The following FGF1 variants were observed in gnomAD, a reference collection of about 807,000 sequenced individuals.
FGF1 encodes the protein fibroblast growth factor 1.
FGF1 carries 9 observed loss-of-function variants against 13.4 expected under a neutral mutation model. That is an observed-to-expected ratio of 0.67 (90% CI 0.40 to 1.17). The LOEUF (loss-of-function observed/expected upper bound fraction) is 1.17. Ranked by LOEUF, FGF1 falls within the 50% of genes most tolerant of loss-of-function variation. The probability of loss-of-function intolerance (pLI) is 0.01; values close to 1 mark genes in which losing one functional copy is unlikely to be tolerated. For missense variants in FGF1, 156 were observed against 192.7 expected (o/e 0.81, Z 1.13); for synonymous variants, 93 against 79.0 (o/e 1.18, Z -0.94).
At chr5:142,693,929 A>G (rs1013182251) in intron 2 of FGF1, among the ~76,000 whole-genome samples, 1 of 152,026 alleles carries the variant, frequency 6.6e-6, no homozygotes, top group African/African-American at 2.4e-5. Context: ...CAGCTGATGA[A>G]CATTTGGGGT....
At chr5:142,659,757 G>C (rs188661504) in intron 1 of FGF1, among the ~76,000 whole-genome samples, 8 of 152,352 alleles carry the variant, frequency 5.3e-5, no homozygotes, top group Non-Finnish European at 1.0e-4. Flanking sequence ...CCAGAGCCTG[G>C]AACACAGCTG....
intron 1 of FGF1, among the ~76,000 whole-genome samples, chr5:142,656,527 C>T (rs1768204042): frequency 6.6e-6 from 1 of 152,334 alleles, no homozygotes; most frequent in South Asian, 2.1e-4. Context: ...TGACTGACAA[C>T]TCCAGCATTA....
rs1241210812 is a variant in FGF1 at position 142,592,397 on chromosome 5, G to GT, written c.*2892dup. 9 of 398,428 alleles carry GT rather than the reference G, an allele frequency of 2.3e-5. No homozygotes were observed. 24.7% of individuals were successfully genotyped at this position (398,428 alleles called of 1,614,324 possible). A position where few individuals can be genotyped will look rare whatever the true frequency, so the allele number is the denominator to read the frequency against. On this transcript the variant is annotated 3_prime_UTR_variant, in exon 4 of 4. Coordinates refer to ENST00000337706, the MANE Select transcript of FGF1 (RefSeq NM_000800.5). ...TCAGTACTAGCTGATGCTCCAATCA[G>GT]TTTTTTGTTCATACACACTGTTGGC...
intron 1 of FGF1, among the ~76,000 whole-genome samples, chr5:142,644,482 GT>G: frequency 6.6e-6 from 1 of 151,944 alleles, no homozygotes; most frequent in Admixed American, 6.5e-5. Flanking sequence ...TTCCTGCAGT[GT>G]GATTTGGGGC....
intron 1 of FGF1, among the ~76,000 whole-genome samples, chr5:142,667,158 C>G (rs564570680): frequency 5.9e-5 from 9 of 151,860 alleles, no homozygotes; most frequent in African/African-American, 1.9e-4. Context: ...GTGACGGGAG[C>G]CTTTAGTCCC....
At chr5:142,598,950 C>CTAA (rs374994023) in intron 3 of FGF1, among the ~76,000 whole-genome samples, 116 of 152,266 alleles carry the variant, frequency 7.6e-4, no homozygotes, top group African/African-American at 2.7e-3. Context: ...GTGGCATAAC[C>CTAA]TAAGACACAG....
At chr5:142,623,746 AT>A (rs11395953) in intron 1 of FGF1, among the ~76,000 whole-genome samples, 621 of 145,958 alleles carry the variant, frequency 4.3e-3, no homozygotes, top group African/African-American at 5.5e-3. Flanking sequence ...CATTAAAAAA[AT>A]TTTTTTTTTT....
chr5:142,608,616 G>GA (rs34214870), intron 2 of FGF1, among the ~76,000 whole-genome samples: 5,592 of 92,838 alleles, frequency 0.06, 204 homozygotes, highest in African/African-American at 0.08. Flanking sequence ...AAATATATAT[G>GA]AAAAAAAAAA....
At chr5:142,616,196 T>C (rs1340016190) in intron 1 of FGF1, among the ~76,000 whole-genome samples, 1 of 152,240 alleles carries the variant, frequency 6.6e-6, no homozygotes, top group Non-Finnish European at 1.5e-5. Flanking sequence ...TCCTTATGAC[T>C]TTAAAATGAG....
intron 1 of FGF1, among the ~76,000 whole-genome samples, chr5:142,669,258 A>G (rs1017545413): frequency 1.3e-5 from 2 of 152,218 alleles, no homozygotes; most frequent in Non-Finnish European, 2.9e-5. Flanking sequence ...GGTTACTGGT[A>G]GGGGGCTGGG....
At position 142,614,066 on chromosome 5, in the gene FGF1, C is replaced by T. The variant is rs17223632; in HGVS notation, c.62G>A (p.Gly21Glu). ...GAGGAGTTTGGGCTTCTTGTAATTC[C>T]CTGGAGGCAGATTAAACTTCTCGGT... The part of the protein sequence containing the change: ...ALTEKFNLPP[G>E]NYKKPKLLYC... Residue 21 changes from glycine to glutamate, a missense_variant, in exon 2 of 4, where the codon GGG becomes GAG. Gly to Glu is a moderately conservative substitution (Grantham distance 98, BLOSUM62 -2). Transcript: ENST00000337706. The T allele has an allele frequency of 3.9e-3, 6,362 of 1,614,152 alleles. 39 individuals are homozygous for T. Among genetic ancestry groups the T allele is most frequent in the Middle Eastern group, 0.019 (114 of 6,060 alleles).
chr5:142,673,381 A>G, intron 1 of FGF1, among the ~76,000 whole-genome samples: 1 of 152,236 alleles, frequency 6.6e-6, no homozygotes, highest in South Asian at 2.1e-4. Flanking sequence ...ATAAAGAGAG[A>G]GGAGTATTTA....
chr5:142,626,012 A>C (rs10069453), intron 1 of FGF1, among the ~76,000 whole-genome samples: 7,499 of 152,270 alleles, frequency 0.049, 414 homozygotes, highest in East Asian at 0.22. Context: ...GTTACTCAAT[A>C]GCCGACTCTG....
intron 1 of FGF1, among the ~76,000 whole-genome samples, chr5:142,643,940 A>G (rs1765595640): frequency 6.6e-6 from 1 of 152,250 alleles, no homozygotes; most frequent in South Asian, 2.1e-4. Flanking sequence ...AAAGTTGGCT[A>G]TTATCATTAT....
intron 1 of FGF1, among the ~76,000 whole-genome samples, chr5:142,637,775 A>T (rs1764526157): frequency 2.0e-5 from 3 of 151,994 alleles, no homozygotes; most frequent in Non-Finnish European, 4.4e-5. Flanking sequence ...CCTTGGTGTG[A>T]GTATGATCTC....
chr5:142,646,589 G>C (rs1177955197), intron 1 of FGF1, among the ~76,000 whole-genome samples: 1 of 152,094 alleles, frequency 6.6e-6, no homozygotes, highest in African/African-American at 2.4e-5. Context: ...CTGACCTCAT[G>C]CTCTGCCCGC....
At chr5:142,608,549 T>A (rs1408459077) in intron 2 of FGF1, among the ~76,000 whole-genome samples, 3 of 47,892 alleles carry the variant, frequency 6.3e-5, no homozygotes, top group African/African-American at 4.2e-4. Context: ...CATCTATATA[T>A]ATATATATAT....
intron 1 of FGF1, among the ~76,000 whole-genome samples, chr5:142,679,721 T>TG (rs913757059): frequency 1.3e-5 from 2 of 152,336 alleles, no homozygotes; most frequent in African/African-American, 4.8e-5. Context: ...TCTTCCCTCT[T>TG]GGGCCTTGGG....
At chr5:142,628,907 G>A (rs564979845) in intron 1 of FGF1, among the ~76,000 whole-genome samples, 6 of 152,262 alleles carry the variant, frequency 3.9e-5, no homozygotes, top group East Asian at 1.9e-4. Flanking sequence ...TCAAGATCCT[G>A]CATTCCTTGG....
Sources: gnomAD v4.1 joint callset for allele counts (sites outside exome capture counted in the v4.1 genomes callset) on GRCh38, gnomAD v4.1.1 for gene constraint, MANE v1.5 for transcripts, NCBI Gene and HGNC (gene_info 2026-07-23, HGNC 2026-07-21) for gene names.